The following CAMTA1 variants were observed in gnomAD, a reference collection of about 807,000 sequenced individuals.
The protein encoded by CAMTA1 is calmodulin binding transcription activator 1, also known as calmodulin-binding transcription activator 1.
CAMTA1 carries 27 observed loss-of-function variants against 170.9 expected under a neutral mutation model. The observed-to-expected ratio is 0.16, with a 90% CI of 0.12 to 0.22. The LOEUF is 0.22. CAMTA1 is among the 10% of genes least tolerant of loss of function. CAMTA1 has a pLI of 1.00. For missense variants in CAMTA1, 1,619 were observed against 2,217.2 expected, an observed-to-expected ratio of 0.73 and a Z score of 5.42; for synonymous variants, 833 against 891.5, an observed-to-expected ratio of 0.93 and a Z score of 1.17.
At chr1:7,378,025 G>A (rs990681938) in intron 5 of CAMTA1, among the ~76,000 whole-genome samples, 4 of 152,142 alleles carry the variant, frequency 2.6e-5, no homozygotes, top group African/African-American at 7.2e-5. Context: ...TCAAGAAGGC[G>A]CCATAGAGAC....
In CAMTA1 at chr1:7,680,460, ACG is replaced by A. The variant is rs2096180694; in HGVS notation, c.2914+2735_2914+2736del. The stretch of plus-strand genomic sequence containing the variant: ...GGCGCGCGTGCACACACTCTCTCCC[ACG>A]CGCGCGCCCTCCCGCCGACGCGCAG... On this transcript the variant is annotated intron_variant, in intron 11 of 22. Coordinates refer to ENST00000303635, the MANE Select transcript of CAMTA1 (RefSeq NM_015215.4). The surrounding 1 kb of genome is among the most constrained non-coding windows in gnomAD (Gnocchi z 4.4). Among the ~76,000 whole-genome samples, 1 of 151,590 alleles carries A rather than the reference ACG, an allele frequency of 6.6e-6. No homozygotes were observed. Among genetic ancestry groups the A allele is most frequent in the Admixed American group, 6.6e-5 (1 of 15,250 alleles).
At chr1:7,178,747 G>A (rs1651473010) in intron 4 of CAMTA1, among the ~76,000 whole-genome samples, 1 of 152,180 alleles carries the variant, frequency 6.6e-6, no homozygotes, top group African/African-American at 2.4e-5. Flanking sequence ...GCTCCCTGTA[G>A]CTGTTCTGGA....
Position 7,390,043 on chromosome 1 carries a change from C to G in CAMTA1, c.439-77787C>G, listed in dbSNP as rs544830808. ...GGCCTGCAGCCCTGAATCACTGATT[C>G]ATCTTTACCTGCCGCTTCCCTGCCG... is the stretch of plus-strand genomic sequence containing the variant. On this transcript the variant is annotated intron_variant, in intron 5 of 22. Coordinates refer to ENST00000303635, the MANE Select transcript of CAMTA1 (RefSeq NM_015215.4). Among the ~76,000 whole-genome samples, 266 of 152,328 alleles carry G rather than the reference C, an allele frequency of 1.7e-3. 1 individual carries two copies. The highest frequency in any genetic ancestry group is 3.1e-3 in the Non-Finnish European group (208 of 68,020).
chr1:7,662,835 C>T (rs1237618897), intron 8 of CAMTA1, among the ~76,000 whole-genome samples: 1 of 152,154 alleles, frequency 6.6e-6, no homozygotes, highest in African/African-American at 2.4e-5. Context: ...ATTTCCATCA[C>T]CTCCCCATTG....
chr1:6,801,120 T>G (rs1307647471), intron 1 of CAMTA1, among the ~76,000 whole-genome samples: 2 of 152,214 alleles, frequency 1.3e-5, no homozygotes, highest in Non-Finnish European at 2.9e-5. Context: ...CCTCCAGAAA[T>G]TGATCATAGA....
rs374927700 is a variant in CAMTA1 at position 7,680,298 on chromosome 1, G to A, written c.2914+2565G>A. 8 of 195,944 alleles carry A rather than the reference G, an allele frequency of 4.1e-5. No homozygotes were observed. In the South Asian group the frequency reaches 4.2e-4, roughly 10 times the overall value. 12.1% of individuals were successfully genotyped at this position (195,944 alleles called of 1,614,324 possible). ...TCTCGGCTCAGCCCCTCCCGTCCCC[G>A]CGGGCGCTGGGCCGATTCTCCCTCC... On this transcript the variant is annotated intron_variant, in intron 11 of 22. Coordinates refer to ENST00000303635, the MANE Select transcript of CAMTA1 (RefSeq NM_015215.4). The surrounding 1 kb of genome is among the most constrained non-coding windows in gnomAD (Gnocchi z 4.4).
intron 6 of CAMTA1, among the ~76,000 whole-genome samples, chr1:7,610,620 CA>C (rs2150672916): frequency 6.6e-6 from 1 of 152,302 alleles, no homozygotes; most frequent in African/African-American, 2.4e-5. Flanking sequence ...GCAACAGTTG[CA>C]GGGGGGTGCC....
intron 4 of CAMTA1, among the ~76,000 whole-genome samples, chr1:7,201,334 A>G (rs1271019557): frequency 2.6e-5 from 4 of 152,232 alleles, no homozygotes; most frequent in African/African-American, 9.6e-5. Flanking sequence ...CCATGATGCT[A>G]TAAACATTTG....
chr1:7,280,684 C>T (rs925987045), intron 5 of CAMTA1, among the ~76,000 whole-genome samples: 8 of 152,200 alleles, frequency 5.3e-5, no homozygotes, highest in South Asian at 2.1e-4. Context: ...GAAACCAACC[C>T]GCCAGTGGTG....
chr1:6,976,729 G>C (rs1390726985), intron 3 of CAMTA1, among the ~76,000 whole-genome samples: 2 of 152,200 alleles, frequency 1.3e-5, no homozygotes, highest in Non-Finnish European at 2.9e-5. Flanking sequence ...GAATATTCCA[G>C]ACATGTCAGG....
intron 3 of CAMTA1, among the ~76,000 whole-genome samples, chr1:6,853,735 T>C (rs1661249188): frequency 6.6e-6 from 1 of 152,210 alleles, no homozygotes. Flanking sequence ...AAAAGCCATA[T>C]TACTCAAACA....
chr1:7,157,150 T>C (rs1354408102), intron 4 of CAMTA1, among the ~76,000 whole-genome samples: 2 of 151,982 alleles, frequency 1.3e-5, no homozygotes, highest in East Asian at 1.9e-4. Context: ...GAGACCATCC[T>C]GGCTAACACG....
chr1:7,370,563 C>A (rs945536888), intron 5 of CAMTA1, among the ~76,000 whole-genome samples: 6 of 152,198 alleles, frequency 3.9e-5, no homozygotes, highest in Non-Finnish European at 7.3e-5. Context: ...AGGCTTTTAA[C>A]ATTTCATGTT....
intron 6 of CAMTA1, among the ~76,000 whole-genome samples, chr1:7,513,810 T>C (rs1377159575): frequency 6.6e-6 from 1 of 152,122 alleles, no homozygotes; most frequent in Non-Finnish European, 1.5e-5. Flanking sequence ...TAATTCCAGC[T>C]ACCCTGGAGG....
intron 3 of CAMTA1, among the ~76,000 whole-genome samples, chr1:6,942,985 G>T (rs562179195): frequency 1.5e-4 from 23 of 152,158 alleles, no homozygotes; most frequent in African/African-American, 5.6e-4. Flanking sequence ...CAGAGGCCCC[G>T]GCTCCAGCTT....
chr1:7,387,702 T>A (rs2088171852), intron 5 of CAMTA1, among the ~76,000 whole-genome samples: 1 of 152,150 alleles, frequency 6.6e-6, no homozygotes, highest in Admixed American at 6.5e-5. Context: ...AAAATGATAG[T>A]GGGAGTTTGG....
chr1:6,899,611 T>C (rs760120391), intron 3 of CAMTA1, among the ~76,000 whole-genome samples: 1 of 148,564 alleles, frequency 6.7e-6, no homozygotes, highest in Non-Finnish European at 1.5e-5. Flanking sequence ...CACTATCTCA[T>C]AATAAAGTTG....
At chr1:7,502,175 C>G (rs556043873) in intron 6 of CAMTA1, among the ~76,000 whole-genome samples, 2 of 152,346 alleles carry the variant, frequency 1.3e-5, no homozygotes, top group Admixed American at 6.5e-5. Context: ...TTAGGGCTTA[C>G]AGGGTGGTCT....
chr1:7,707,236 C>T (rs1433952504), intron 11 of CAMTA1, among the ~76,000 whole-genome samples: 2 of 152,164 alleles, frequency 1.3e-5, no homozygotes, highest in Non-Finnish European at 2.9e-5. Context: ...TTACTAAGAG[C>T]TGTCACTGCT....
Sources: gnomAD v4.1 joint callset for allele counts (sites outside exome capture counted in the v4.1 genomes callset) on GRCh38, gnomAD v4.1.1 for gene constraint, Gnocchi (gnomAD v3.1) non-coding constraint, MANE v1.5 for transcripts, NCBI Gene and HGNC (gene_info 2026-07-23, HGNC 2026-07-21) for gene names.